Variants in NAV1 observed in about 807,000 individuals in gnomAD.
The protein encoded by NAV1 is pore membrane and/or filament interacting like protein 3.
A neutral mutation model predicts 175.2 loss-of-function variants in NAV1; 18 were observed. The observed-to-expected ratio is 0.10, with a 90% CI of 0.07 to 0.15. NAV1 has a LOEUF of 0.15. NAV1 is among the 10% of genes least tolerant of loss of function. The pLI is 1.00. For missense variants in NAV1, 1,731 were observed against 2,436.6 expected (o/e 0.71, Z 6.10); for synonymous variants, 897 against 978.7 (o/e 0.92, Z 1.56).
chr1:201,776,528 C>G (rs934730852), intron 3 of NAV1, among the ~76,000 whole-genome samples: 6 of 151,344 alleles, frequency 4.0e-5, no homozygotes, highest in African/African-American at 1.5e-4. Flanking sequence ...GTAGTCTCAG[C>G]TACTCAGGAG....
intron 1 of NAV1, among the ~76,000 whole-genome samples, chr1:201,695,198 G>A (rs1387642012): frequency 6.6e-6 from 1 of 152,200 alleles, no homozygotes. Flanking sequence ...AACAGCAAAT[G>A]CCATCAGGCT....
At chr1:201,809,385 G>A (rs778715165) in intron 21 of NAV1, 57 bp from the exon 26 acceptor site, 387 of 1,590,824 alleles carry the variant, frequency 2.4e-4, no homozygotes, top group East Asian at 1.4e-3. Flanking sequence ...TTAGGACCCC[G>A]GTTCATGGAG....
rs1352044398 is a variant in NAV1, at chr1:201,539,529, C to G, written c.-144+187C>G. On this transcript the variant is annotated intron_variant, in intron 1 of 33. Coordinates refer to the NAV1 transcript ENST00000685211. This position sits in a 1 kb window ranked among gnomAD's most constrained non-coding sequence, Gnocchi z 5.6. The stretch of plus-strand genomic sequence containing the variant: ...GCTGGAATAAATAACAACCAAGATG[C>G]TCGCGGCTTCCCGGGAAGGTGTGTG... Among the ~76,000 whole-genome samples the G allele has an allele frequency of 6.6e-6, 1 of 152,106 alleles. No homozygotes were observed. The highest frequency in any genetic ancestry group is 1.5e-5 in the Non-Finnish European group (1 of 68,008).
chr1:201,613,907 G>GTTGC (rs1667924635), intron 2 of NAV1, among the ~76,000 whole-genome samples: 4 of 152,014 alleles, frequency 2.6e-5, no homozygotes, highest in Non-Finnish European at 4.4e-5. Context: ...ACACTTTAAG[G>GTTGC]TAGATATTGT....
intron 2 of NAV1, among the ~76,000 whole-genome samples, chr1:201,600,373 G>A (rs1272509886): frequency 6.6e-6 from 1 of 152,208 alleles, no homozygotes; most frequent in Non-Finnish European, 1.5e-5. Flanking sequence ...TTCCCCTGAA[G>A]CATGGTGGAG....
At chr1:201,714,862 A>C (rs926846281) in intron 2 of NAV1, among the ~76,000 whole-genome samples, 6 of 152,162 alleles carry the variant, frequency 3.9e-5, no homozygotes, top group African/African-American at 1.4e-4. Context: ...GACTCAGAGC[A>C]GCCAGCCCCC....
At chr1:201,824,584 C>T (rs1038731096) in exon 30 of NAV1, 3 of 151,884 alleles carry the variant, frequency 2.0e-5, no homozygotes, top group East Asian at 1.9e-4. Flanking sequence ...GGGAGGATAC[C>T]TATCAAAATG....
chr1:201,774,493 C>CA (rs532910247), intron 3 of NAV1, among the ~76,000 whole-genome samples: 67 of 151,950 alleles, frequency 4.4e-4, no homozygotes, highest in South Asian at 1.5e-3. Flanking sequence ...CTTGAGTCTT[C>CA]AAAAAAAATC....
chr1:201,695,454 T>G (rs990913950), intron 1 of NAV1, among the ~76,000 whole-genome samples: 2 of 152,180 alleles, frequency 1.3e-5, no homozygotes, highest in African/African-American at 4.8e-5. Context: ...CCAACACATT[T>G]GACCAGCCAG....
intron 1 of NAV1, among the ~76,000 whole-genome samples, chr1:201,586,454 C>T (rs1242117368): frequency 1.3e-5 from 2 of 152,202 alleles, no homozygotes; most frequent in Admixed American, 1.3e-4. Flanking sequence ...GCTGCCATAA[C>T]AAAGTGCCAC....
intron 1 of NAV1, among the ~76,000 whole-genome samples, chr1:201,688,090 C>T (rs907733091): frequency 3.3e-5 from 5 of 152,236 alleles, no homozygotes; most frequent in Admixed American, 2.6e-4. Flanking sequence ...TGGCTGTGCA[C>T]TCAGCCTTTG....
At chr1:201,682,390 G>A (rs566080013) in intron 1 of NAV1, among the ~76,000 whole-genome samples, 1 of 152,176 alleles carries the variant, frequency 6.6e-6, no homozygotes, top group Non-Finnish European at 1.5e-5. Context: ...CAATGCCTCT[G>A]ATGGCATTCA....
chr1:201,563,661 A>G (rs1162494974), intron 1 of NAV1, among the ~76,000 whole-genome samples: 2 of 152,142 alleles, frequency 1.3e-5, no homozygotes, highest in Non-Finnish European at 1.5e-5. Context: ...AAATGAGGGC[A>G]TGGATCCCTA....
At chr1:201,637,718 C>G (rs1668647822) in intron 2 of NAV1, among the ~76,000 whole-genome samples, 3 of 152,232 alleles carry the variant, frequency 2.0e-5, no homozygotes, top group African/African-American at 7.2e-5. Context: ...TGTCCCCATC[C>G]AACACATGGG....
At chr1:201,593,256 A>C (rs910327594) in intron 2 of NAV1, among the ~76,000 whole-genome samples, 2 of 152,060 alleles carry the variant, frequency 1.3e-5, no homozygotes, top group African/African-American at 4.8e-5. Context: ...TTCAGGCCCT[A>C]TTCATCTATC....
intron 2 of NAV1, among the ~76,000 whole-genome samples, chr1:201,603,741 T>C (rs1174915344): frequency 6.6e-6 from 1 of 152,166 alleles, no homozygotes; most frequent in Non-Finnish European, 1.5e-5. Flanking sequence ...GAGAGATTGT[T>C]ATCCCCATTT....
At chr1:201,560,485 G>T (rs1166514706) in intron 1 of NAV1, among the ~76,000 whole-genome samples, 1 of 152,156 alleles carries the variant, frequency 6.6e-6, no homozygotes, top group Non-Finnish European at 1.5e-5. Flanking sequence ...GGCCATCCTG[G>T]TGTGGTGACC....
chr1:201,645,369 G>A (rs1668942262), upstream of NAV1, among the ~76,000 whole-genome samples: 1 of 138,924 alleles, frequency 7.2e-6, no homozygotes, highest in African/African-American at 2.7e-5. Flanking sequence ...CATGGACACA[G>A]GAAGGGGAAC....
At chr1:201,727,101 T>C (rs1227492588) in intron 3 of NAV1, among the ~76,000 whole-genome samples, 2 of 152,168 alleles carry the variant, frequency 1.3e-5, no homozygotes, top group Non-Finnish European at 2.9e-5. Flanking sequence ...AATGTGAGGA[T>C]TAAATTAGTT....
Sources: gnomAD v4.1 joint callset for allele counts (sites outside exome capture counted in the v4.1 genomes callset) on GRCh38, gnomAD v4.1.1 for gene constraint, Gnocchi (gnomAD v3.1) non-coding constraint, MANE v1.5 for transcripts, NCBI Gene and HGNC (gene_info 2026-07-23, HGNC 2026-07-21) for gene names.